DGKB: variants seen among roughly 807,000 people sequenced by gnomAD.
DGKB encodes diacylglycerol kinase beta.
Under a neutral mutation model 114.3 loss-of-function variants are expected in DGKB, and 67 were observed. That is an observed-to-expected ratio of 0.59 (90% CI 0.48 to 0.72). The LOEUF (loss-of-function observed/expected upper bound fraction) is 0.72, where lower values mean the gene tolerates loss of function less well. DGKB is among the 30% of genes least tolerant of loss of function. The pLI is 0.00. For missense variants in DGKB, 907 were observed against 975.2 expected, an observed-to-expected ratio of 0.93 and a Z score of 0.93; for synonymous variants, 398 against 323.1, an observed-to-expected ratio of 1.23 and a Z score of -2.49.
chr7:14,694,817 C>G (rs1221456035), intron 8 of DGKB, among the ~76,000 whole-genome samples: 1 of 152,070 alleles, frequency 6.6e-6, no homozygotes, highest in Non-Finnish European at 1.5e-5. Context: ...ATTAAATAAG[C>G]TAACGTATTA....
At position 14,357,735 on chromosome 7, in the gene DGKB, C is replaced by T. The variant is rs144385277; in HGVS notation, c.1836-12344G>A. On this transcript the variant is annotated intron_variant, in intron 21 of 25. Transcript: ENST00000402815. ...GACATGTTTTTGCAGTGGCTGATAC[C>T]GGTTGTTCCTTTCCGTGTTTAGTGC... Among the ~76,000 whole-genome samples the T allele has an allele frequency of 5.9e-4, 90 of 152,174 alleles. 1 individual carries two copies. In the East Asian group the frequency reaches 0.016, roughly 27 times the overall value.
At chr7:14,422,280 C>T (rs1344168107) in intron 21 of DGKB, among the ~76,000 whole-genome samples, 1 of 152,008 alleles carries the variant, frequency 6.6e-6, no homozygotes, top group East Asian at 1.9e-4. Context: ...GGGGTAATAA[C>T]TTTTAATGGA....
intron 21 of DGKB, among the ~76,000 whole-genome samples, chr7:14,363,869 A>G (rs1031543178): frequency 7.9e-5 from 12 of 152,134 alleles, no homozygotes; most frequent in African/African-American, 2.4e-4. Context: ...AGTAACCTAA[A>G]TAAATCTAAT....
intron 17 of DGKB, among the ~76,000 whole-genome samples, chr7:14,600,757 C>A (rs988886050): frequency 7.2e-5 from 11 of 152,270 alleles, no homozygotes; most frequent in African/African-American, 2.6e-4. Context: ...ACCAAAAAAC[C>A]CTCTTTGACG....
rs145041506 is a variant in DGKB, at chr7:14,469,661, C to T, written c.1835+8500G>A. ...TTGAAACCCCCTGCATGAGAACACA[C>T]ACAGTCCTGACTCATTTAACCATTC... On this transcript the variant is annotated intron_variant, in intron 21 of 25. Transcript: ENST00000402815. 3.8e-3 allele frequency among the ~76,000 whole-genome samples: 582 copies of T among 152,092 alleles called. 4 individuals carry two copies. Among genetic ancestry groups the T allele is most frequent in the African/African-American group, 0.013 (548 of 41,528 alleles).
upstream of DGKB, among the ~76,000 whole-genome samples, chr7:14,906,381 C>G (rs1335655391): frequency 1.3e-5 from 2 of 151,022 alleles, no homozygotes; most frequent in Non-Finnish European, 2.9e-5. Context: ...AGAGACAGCA[C>G]TTAAACTGTG....
intron 25 of DGKB, 27 bp downstream of exon 25, chr7:14,176,812 A>G: frequency 6.2e-7 from 1 of 1,601,226 alleles, no homozygotes; most frequent in African/African-American, 1.3e-5. Flanking sequence ...TGAGATTGAC[A>G]TAGCATATCA....
Position 14,641,082 on chromosome 7 carries a change from G to A in DGKB, c.1135-10814C>T, listed in dbSNP as rs1185576371. On this transcript the variant is annotated intron_variant, in intron 13 of 25. Coordinates refer to ENST00000402815, the MANE Select transcript of DGKB (RefSeq NM_001350709.2). ...TTTGGGAGCTTTTATGCCATAGTTT[G>A]TGGCAATTTAGTTTCACCAGTGTTT... Among the ~76,000 whole-genome samples the A allele has an allele frequency of 3.3e-5, 5 of 152,144 alleles. No homozygotes were observed. In the South Asian group the frequency reaches 6.2e-4, roughly 19 times the overall value.
chr7:14,315,865 T>G (rs1197170994), intron 23 of DGKB, among the ~76,000 whole-genome samples: 4 of 150,178 alleles, frequency 2.7e-5, no homozygotes, highest in Admixed American at 6.6e-5. Context: ...TATTCCAAAA[T>G]TGACCACATA....
chr7:14,167,061 A>G (rs1259004373), intron 25 of DGKB, among the ~76,000 whole-genome samples: 3 of 151,952 alleles, frequency 2.0e-5, no homozygotes, highest in Non-Finnish European at 4.4e-5. Context: ...AATACAAAAA[A>G]TTACCTGAGC....
At chr7:14,352,599 C>A (rs558892450) in intron 21 of DGKB, among the ~76,000 whole-genome samples, 151 of 152,192 alleles carry the variant, frequency 9.9e-4, no homozygotes, top group Middle Eastern at 6.8e-3. Context: ...TAAACAATAA[C>A]CAATCATGTT....
At chr7:14,541,852 A>T (rs1184404588) in intron 20 of DGKB, among the ~76,000 whole-genome samples, 4 of 152,218 alleles carry the variant, frequency 2.6e-5, no homozygotes, top group Admixed American at 2.6e-4. Context: ...TTCAATTTCA[A>T]TGCCAAATTC....
intron 2 of DGKB, among the ~76,000 whole-genome samples, chr7:14,835,080 A>G (rs1846967373): frequency 6.6e-6 from 1 of 152,084 alleles, no homozygotes; most frequent in Non-Finnish European, 1.5e-5. Flanking sequence ...TAGAAATATA[A>G]TCTGGGTCAG....
At chr7:14,857,654 A>AT (rs1483001464) in intron 1 of DGKB, among the ~76,000 whole-genome samples, 3 of 152,132 alleles carry the variant, frequency 2.0e-5, no homozygotes, top group African/African-American at 7.2e-5. Context: ...AACATCAAAT[A>AT]TTCTGTTCAA....
chr7:14,412,110 G>A (rs1296762007), intron 21 of DGKB, among the ~76,000 whole-genome samples: 1 of 152,174 alleles, frequency 6.6e-6, no homozygotes, highest in Non-Finnish European at 1.5e-5. Flanking sequence ...GTATATGCAT[G>A]TGTGATTGTG....
chr7:14,543,675 G>A (rs985172068), intron 20 of DGKB, among the ~76,000 whole-genome samples: 3 of 152,138 alleles, frequency 2.0e-5, no homozygotes, highest in African/African-American at 7.2e-5. Context: ...AAAACTATTT[G>A]TAAAGAATTT....
chr7:14,203,443 T>C (rs1355788823), intron 23 of DGKB, among the ~76,000 whole-genome samples: 2 of 152,020 alleles, frequency 1.3e-5, no homozygotes, highest in Non-Finnish European at 2.9e-5. Flanking sequence ...TTCACCTCTG[T>C]TCAGAGAAGA....
At chr7:14,772,963 T>C (rs1837634035) in intron 2 of DGKB, among the ~76,000 whole-genome samples, 3 of 152,176 alleles carry the variant, frequency 2.0e-5, no homozygotes, top group Non-Finnish European at 4.4e-5. Flanking sequence ...CTCAATTGGG[T>C]TATCTTCAAT....
intron 5 of DGKB, among the ~76,000 whole-genome samples, chr7:14,729,328 T>C (rs780942393): frequency 2.0e-5 from 3 of 151,838 alleles, no homozygotes; most frequent in African/African-American, 4.8e-5. Context: ...TTCACCGTGT[T>C]AGCCAGGATG....
Sources: gnomAD v4.1 joint callset for allele counts (sites outside exome capture counted in the v4.1 genomes callset) on GRCh38, gnomAD v4.1.1 for gene constraint, MANE v1.5 for transcripts, NCBI Gene and HGNC (gene_info 2026-07-23, HGNC 2026-07-21) for gene names.